GREB1: variants seen among roughly 807,000 people sequenced by gnomAD.
GREB1 encodes the protein growth regulating estrogen receptor binding 1.
A neutral mutation model predicts 200.7 loss-of-function variants in GREB1; 106 were observed. The ratio of observed to expected loss-of-function variants is 0.53; its 90% CI spans 0.45 to 0.62. The LOEUF (loss-of-function observed/expected upper bound fraction) is 0.62. GREB1 is among the 20% of genes least tolerant of loss of function. The pLI is 0.00. For missense variants in GREB1, 2,243 were observed against 2,556.8 expected, an observed-to-expected ratio of 0.88 and a Z score of 2.65; for synonymous variants, 1,132 against 1,092.4, an observed-to-expected ratio of 1.04 and a Z score of -0.72.
rs777518536 is a variant in GREB1, at chr2:11,580,990, C to T, written c.901+158C>T. 18 of 892,662 alleles carry T rather than the reference C, an allele frequency of 2.0e-5. No homozygotes were observed. Among genetic ancestry groups the T allele is most frequent in the African/African-American group, 1.3e-4 (8 of 60,620 alleles). The allele number at this position is 892,662 out of a possible 1,614,324, so 55.3% of individuals were successfully genotyped here. On this transcript the variant is annotated intron_variant, in intron 7 of 32. Transcript: ENST00000381486. This position sits in a 1 kb window ranked among gnomAD's most constrained non-coding sequence, Gnocchi z 4.5. Reference sequence around the variant, plus strand: ...CAGGACCACAGGTGCCTCCTGAGTCCGTGGGTCTGGGCCCAGGCCCTGGTG... The same window carrying T: ...CAGGACCACAGGTGCCTCCTGAGTCTGTGGGTCTGGGCCCAGGCCCTGGTG...
intron 1 of GREB1, among the ~76,000 whole-genome samples, chr2:11,519,177 G>C (rs1350642908): frequency 6.6e-6 from 1 of 150,382 alleles, no homozygotes; most frequent in African/African-American, 2.4e-5. Context: ...AAATTGTTTT[G>C]ACAGAAAGGT....
chr2:11,615,973 G>A (rs1256710339), intron 20 of GREB1, among the ~76,000 whole-genome samples: 1 of 152,228 alleles, frequency 6.6e-6, no homozygotes, highest in African/African-American at 2.4e-5. Flanking sequence ...GCCTCAGCTT[G>A]CTCGTCTGTA....
chr2:11,635,548 G>T, intron 30 of GREB1, 143 bp downstream of exon 30: 2 of 842,920 alleles, frequency 2.4e-6, no homozygotes, highest in Non-Finnish European at 3.5e-6. Flanking sequence ...GTCAGTAAAG[G>T]TTTTTAATCG....
chr2:11,614,831 G>A (rs78369329), intron 19 of GREB1, among the ~76,000 whole-genome samples: 1 of 127,716 alleles, frequency 7.8e-6, no homozygotes, highest in Non-Finnish European at 1.8e-5. Context: ...CCAAAGTGCT[G>A]CAAGCCCCTT....
rs1679340270 is a variant in GREB1, at chr2:11,580,333, C to T, written c.773-371C>T. On this transcript the variant is annotated intron_variant, in intron 6 of 32. Coordinates refer to ENST00000381486, the MANE Select transcript of GREB1 (RefSeq NM_014668.4). The surrounding 1 kb of genome is among the most constrained non-coding windows in gnomAD (Gnocchi z 4.5). ...GTGGTCCTGGAATTCAGGAAGTCCCCCGGTCCTTCTTTAACTCAGGCTGTG... is the reference window on the plus strand; with the variant it reads ...GTGGTCCTGGAATTCAGGAAGTCCCTCGGTCCTTCTTTAACTCAGGCTGTG... Among the ~76,000 whole-genome samples the T allele has an allele frequency of 6.6e-6, 1 of 152,138 alleles. No homozygotes were observed. Among genetic ancestry groups the T allele is most frequent in the African/African-American group, 2.4e-5 (1 of 41,420 alleles).
intron 1 of GREB1, among the ~76,000 whole-genome samples, chr2:11,514,584 C>T (rs1325822403): frequency 6.6e-6 from 1 of 152,162 alleles, no homozygotes; most frequent in Non-Finnish European, 1.5e-5. Flanking sequence ...ACAGAGGACT[C>T]TTTAGAGGGA....
chr2:11,614,125 A>ATTTTT (rs34678522), intron 19 of GREB1, among the ~76,000 whole-genome samples: 1 of 99,548 alleles, frequency 1.0e-5, no homozygotes, highest in African/African-American at 2.8e-5. Flanking sequence ...GCGGACTTAG[A>ATTTTT]TTTTTTTTTT....
chr2:11,630,494 C>T (rs1175498610), intron 26 of GREB1, among the ~76,000 whole-genome samples: 1 of 152,128 alleles, frequency 6.6e-6, no homozygotes, highest in Non-Finnish European at 1.5e-5. Context: ...TTCTTGAATG[C>T]TCTGCCAGGT....
In GREB1 at chr2:11,638,882, C is replaced by G. The variant is rs560818038; in HGVS notation, c.5686+73C>G. On this transcript the variant is annotated intron_variant, in intron 32 of 32. Coordinates refer to ENST00000381486, the MANE Select transcript of GREB1 (RefSeq NM_014668.4). The stretch of plus-strand genomic sequence containing the variant: ...TCACCGGGTACCCTGAGGAGGGGAC[C>G]TTTGGTCCTAGTCCTTATTTGCCCA... The G allele has an allele frequency of 4.3e-5, 65 of 1,495,094 alleles. 1 individual carries two copies. In the South Asian group the frequency reaches 7.6e-4, roughly 18 times the overall value. 92.6% of individuals were successfully genotyped at this position (1,495,094 alleles called of 1,614,324 possible).
At chr2:11,637,964 C>A in intron 31 of GREB1, 48 bp downstream of exon 31, 1 of 1,496,572 alleles carries the variant, frequency 6.7e-7, no homozygotes, top group Non-Finnish European at 9.3e-7. Context: ...AGAGAAATCT[C>A]TAGAACCAAT....
intron 32 of GREB1, among the ~76,000 whole-genome samples, chr2:11,639,949 G>A (rs1685685695): frequency 6.6e-6 from 1 of 152,052 alleles, no homozygotes; most frequent in South Asian, 2.1e-4. Context: ...TGTAAGGTGG[G>A]GTAGGTAGGG....
intron 1 of GREB1, among the ~76,000 whole-genome samples, chr2:11,504,047 A>G (rs954887746): frequency 1.3e-5 from 2 of 152,232 alleles, no homozygotes; most frequent in African/African-American, 4.8e-5. Flanking sequence ...TTATAGCAAT[A>G]TACTGTAATA....
chr2:11,603,841 T>G (rs1055637852), intron 17 of GREB1, among the ~76,000 whole-genome samples: 1 of 152,246 alleles, frequency 6.6e-6, no homozygotes, highest in African/African-American at 2.4e-5. Flanking sequence ...CAGCACTCTA[T>G]ATTTATTACC....
intron 24 of GREB1, among the ~76,000 whole-genome samples, chr2:11,625,907 G>A (rs748993489): frequency 3.7e-4 from 57 of 152,304 alleles, no homozygotes; most frequent in Admixed American, 1.0e-3. Context: ...CTTCACAATC[G>A]TGGTGGAAGG....
At chr2:11,587,693 TAACACACAC>T in intron 9 of GREB1, 1 of 980,244 alleles carries the variant, frequency 1.0e-6, no homozygotes, top group Non-Finnish European at 1.3e-6. Context: ...GAGTACAAGA[TAACACACAC>T]ACACACACAC....
intron 1 of GREB1, among the ~76,000 whole-genome samples, chr2:11,498,919 C>T (rs1672957368): frequency 6.6e-6 from 1 of 152,314 alleles, no homozygotes; most frequent in South Asian, 2.1e-4. Flanking sequence ...AAAACCTATG[C>T]AGAGAACATG....
At chr2:11,508,990 T>G (rs1673267350) in intron 1 of GREB1, among the ~76,000 whole-genome samples, 1 of 150,834 alleles carries the variant, frequency 6.6e-6, no homozygotes, top group Non-Finnish European at 1.5e-5. Flanking sequence ...TTCTCCTGCC[T>G]CAGCCTCCCG....
At chr2:11,615,847 A>G (rs1340635150) in intron 20 of GREB1, among the ~76,000 whole-genome samples, 1 of 152,250 alleles carries the variant, frequency 6.6e-6, no homozygotes, top group East Asian at 1.9e-4. Flanking sequence ...AGACGTAGAC[A>G]GTCATTCAAA....
chr2:11,560,076 G>A (rs1356909315), intron 2 of GREB1, among the ~76,000 whole-genome samples: 4 of 152,272 alleles, frequency 2.6e-5, no homozygotes, highest in South Asian at 2.1e-4. Flanking sequence ...TGGAACTCCC[G>A]TGCAGCTCTG....
Sources: gnomAD v4.1 joint callset for allele counts (sites outside exome capture counted in the v4.1 genomes callset) on GRCh38, gnomAD v4.1.1 for gene constraint, Gnocchi (gnomAD v3.1) non-coding constraint, MANE v1.5 for transcripts, NCBI Gene and HGNC (gene_info 2026-07-23, HGNC 2026-07-21) for gene names.